The following NBEA variants were observed in gnomAD, a reference collection of about 807,000 sequenced individuals.
NBEA encodes the protein neurobeachin, also known as lysosomal-trafficking regulator 2.
A neutral mutation model predicts 343.4 loss-of-function variants in NBEA; 44 were observed. The observed-to-expected ratio is 0.13, with a 90% CI of 0.10 to 0.16. NBEA has a LOEUF of 0.16. NBEA is among the 10% of genes least tolerant of loss of function. The pLI is 1.00. For missense variants in NBEA, 2,555 were observed against 3,631.3 expected (o/e 0.70, Z 7.62); for synonymous variants, 1,175 against 1,238.7 (o/e 0.95, Z 1.08).
intron 7 of NBEA, among the ~76,000 whole-genome samples, chr13:35,058,027 G>A (rs1274252342): frequency 6.6e-6 from 1 of 152,098 alleles, no homozygotes; most frequent in Admixed American, 6.6e-5. Flanking sequence ...GAAAGGAACT[G>A]AGCCATGACT....
At chr13:35,070,241 A>T in intron 9 of NBEA, 136 bp downstream of exon 9, 4 of 821,070 alleles carry the variant, frequency 4.9e-6, no homozygotes, top group Non-Finnish European at 3.6e-6. Context: ...CTTTTAAGTG[A>T]AACTTTAAAG....
At chr13:35,080,707 G>A (rs1409105689) in intron 10 of NBEA, among the ~76,000 whole-genome samples, 1 of 152,100 alleles carries the variant, frequency 6.6e-6, no homozygotes, top group African/African-American at 2.4e-5. Context: ...GACTTAAATA[G>A]GTTTAGAAAC....
intron 39 of NBEA, among the ~76,000 whole-genome samples, chr13:35,450,189 T>C (rs968453280): frequency 1.3e-5 from 2 of 152,072 alleles, no homozygotes; most frequent in African/African-American, 2.4e-5. Flanking sequence ...AAGAAAATGG[T>C]TGAGGCTGGG....
chr13:35,307,251 GA>G (rs1472208110), intron 35 of NBEA, among the ~76,000 whole-genome samples: 13 of 151,868 alleles, frequency 8.6e-5, no homozygotes, highest in Admixed American at 7.9e-4. Context: ...TTCTCTTGTG[GA>G]AAGGCGTGTA....
chr13:35,161,838 G>A lies in NBEA; in HGVS notation c.3950G>A (p.Arg1317Gln), dbSNP rs540743785. 5.0e-6 allele frequency: 8 copies of A among 1,611,652 alleles called. No individual in the cohort carries two copies. Among genetic ancestry groups the A allele is most frequent in the African/African-American group, 2.7e-5 (2 of 74,966 alleles). ...FRGMPMTEEQ[R>Q]RQFSPGPRTT... is the part of the protein sequence containing the mutation. ...GGAATGCCAATGACTGAGGAACAGCGACGCCAGTTTAGCCCAGGTCCACGG... is the reference window on the plus strand; with the variant it reads ...GGAATGCCAATGACTGAGGAACAGCAACGCCAGTTTAGCCCAGGTCCACGG... Residue 1317 changes from arginine (R) to glutamine (Q), a missense_variant, in exon 23 of 59, where the codon CGA becomes CAA. By Grantham distance (43) the Arg-to-Gln change is conservative. Transcript: ENST00000379939.
intron 5 of NBEA, 70 bp from the exon 6 acceptor site, chr13:35,050,199 G>A: frequency 7.1e-7 from 1 of 1,414,874 alleles, no homozygotes; most frequent in Non-Finnish European, 9.7e-7. Flanking sequence ...TTATAAGAAT[G>A]TTTAATAGCC....
intron 45 of NBEA, among the ~76,000 whole-genome samples, chr13:35,583,492 T>C (rs17052459): frequency 0.033 from 5,089 of 152,286 alleles, 308 homozygotes; most frequent in African/African-American, 0.12. Context: ...AGGTTTTCAC[T>C]AATATGGTTG....
intron 49 of NBEA, among the ~76,000 whole-genome samples, chr13:35,644,756 A>T (rs1051611358): frequency 6.6e-6 from 1 of 152,226 alleles, no homozygotes; most frequent in African/African-American, 2.4e-5. Context: ...AAAAATGTGA[A>T]CCTAACCAGA....
intron 38 of NBEA, among the ~76,000 whole-genome samples, chr13:35,405,538 T>G (rs757351109): frequency 9.2e-5 from 14 of 152,294 alleles, no homozygotes; most frequent in Non-Finnish European, 1.6e-4. Flanking sequence ...ACTTAATAAT[T>G]TTAATACCAG....
intron 35 of NBEA, among the ~76,000 whole-genome samples, chr13:35,303,955 C>G (rs539860728): frequency 1.3e-5 from 2 of 152,254 alleles, no homozygotes; most frequent in East Asian, 1.9e-4. Context: ...TTGTCCTCAT[C>G]ATACCTGACT....
intron 24 of NBEA, among the ~76,000 whole-genome samples, chr13:35,165,364 A>C (rs1275305170): frequency 1.3e-5 from 2 of 152,048 alleles, no homozygotes; most frequent in Non-Finnish European, 2.9e-5. Flanking sequence ...CCCAGGCCTT[A>C]CTCTTCTGTT....
chr13:35,496,243 C>T (rs189776255), intron 41 of NBEA, among the ~76,000 whole-genome samples: 2 of 152,094 alleles, frequency 1.3e-5, no homozygotes, highest in East Asian at 3.9e-4. Flanking sequence ...CCTCAGCCTC[C>T]CAAGTAGTTG....
intron 40 of NBEA, among the ~76,000 whole-genome samples, chr13:35,459,013 CCCCCCA>C (rs1287562498): frequency 1.7e-4 from 20 of 117,874 alleles, no homozygotes; most frequent in African/African-American, 7.0e-4. Flanking sequence ...CCGCCCCCCC[CCCCCCA>C]CACACACACA....
intron 28 of NBEA, among the ~76,000 whole-genome samples, chr13:35,179,391 G>C (rs1212567851): frequency 6.6e-6 from 1 of 151,506 alleles, no homozygotes; most frequent in African/African-American, 2.4e-5. Context: ...TGTCTTCTCA[G>C]TAATAAAATA....
intron 35 of NBEA, among the ~76,000 whole-genome samples, chr13:35,306,562 A>C (rs1223612727): frequency 1.3e-5 from 2 of 151,740 alleles, no homozygotes; most frequent in African/African-American, 2.4e-5. Flanking sequence ...GTCTCTCATT[A>C]TTTGGGTTTC....
intron 1 of NBEA, among the ~76,000 whole-genome samples, chr13:35,028,989 C>T (rs192153664): frequency 6.6e-6 from 1 of 151,492 alleles, no homozygotes; most frequent in African/African-American, 2.4e-5. Flanking sequence ...ATTGTATGGA[C>T]TATATTATTA....
intron 1 of NBEA, among the ~76,000 whole-genome samples, chr13:35,018,427 T>C (rs2061725974): frequency 6.6e-6 from 1 of 152,178 alleles, no homozygotes; most frequent in Admixed American, 6.5e-5. Context: ...CTTAGCAATG[T>C]TTTGTAGTTT....
Position 35,628,181 on chromosome 13 carries a change from T to C in NBEA, c.7550T>C (p.Val2517Ala), listed in dbSNP as rs774762571. The C allele has an allele frequency of 7.4e-6, 12 of 1,613,162 alleles. No homozygotes were observed. Among genetic ancestry groups the C allele is most frequent in the Admixed American group, 3.3e-5 (2 of 59,928 alleles). The change falls in exon 49 of 59, where the codon GTT becomes GCT. Residue 2517 changes from valine to alanine, a missense_variant. Val to Ala is a moderately conservative substitution (Grantham distance 64). This residue lies in a region of NBEA where 87 missense variants were observed against 75.0 expected (regional missense o/e 1.16). Transcript: ENST00000379939. ...CCAGAAGCAGTTCGTGCTCTGAATGTTTTTCACTACTTGACTTATGAAGGC... is the reference window on the plus strand; with the variant it reads ...CCAGAAGCAGTTCGTGCTCTGAATGCTTTTCACTACTTGACTTATGAAGGC... ...RGPEAVRALN[V>A]FHYLTYEGSV...
At chr13:35,550,667 G>A (rs1226885164) in intron 42 of NBEA, 73 bp downstream of exon 42, 14 of 936,662 alleles carry the variant, frequency 1.5e-5, no homozygotes, top group African/African-American at 1.7e-5. Context: ...GTATGATAAT[G>A]TCTTGATTTT....
Sources: allele counts gnomAD v4.1 joint callset (sites outside exome capture counted in the v4.1 genomes callset), GRCh38; gene constraint gnomAD v4.1.1; regional missense constraint gnomAD v4.1.1; transcripts MANE v1.5; gene names NCBI Gene and HGNC (gene_info 2026-07-23, HGNC 2026-07-21).